ARMC8: variants seen among roughly 807,000 people sequenced by gnomAD.
ARMC8 encodes armadillo repeat-containing protein 8.
ARMC8 carries 20 observed loss-of-function variants against 99.3 expected under a neutral mutation model. The ratio of observed to expected loss-of-function variants is 0.20; its 90% CI spans 0.14 to 0.29. The LOEUF (loss-of-function observed/expected upper bound fraction) is 0.29, where lower values mean the gene tolerates loss of function less well. ARMC8 is among the 10% of genes least tolerant of loss of function. The probability of loss-of-function intolerance (pLI) is 1.00; values close to 1 mark genes in which losing one functional copy is unlikely to be tolerated. For missense variants in ARMC8, 569 were observed against 809.5 expected, an observed-to-expected ratio of 0.70 and a Z score of 3.60; for synonymous variants, 263 against 278.3, an observed-to-expected ratio of 0.95 and a Z score of 0.55.
rs763151430 is a variant in ARMC8, at chr3:138,221,956, C to G, written c.153C>G (p.Asn51Lys). The part of the protein sequence containing the change: ...IDMKNAVIGN[N>K]KQKANLIVLG... ...TGAAAAATGCTGTAATTGGAAACAA[C>G]AAGCAGAAAGCCAATCTCATTGTTT... The change falls in exon 3 of 22, where the codon AAC becomes AAG. Residue 51 changes from asparagine (N) to lysine (K), a missense_variant. This residue lies in a region of ARMC8 where 342 missense variants were observed against 391.6 expected (regional missense o/e 0.87). Coordinates refer to ENST00000469044, the MANE Select transcript of ARMC8 (RefSeq NM_001363941.2). 6.2e-6 allele frequency: 10 copies of G among 1,613,564 alleles called. No individual in the cohort carries two copies. Among genetic ancestry groups the G allele is most frequent in the Non-Finnish European group, 8.5e-6 (10 of 1,179,698 alleles).
intron 12 of ARMC8, among the ~76,000 whole-genome samples, chr3:138,255,977 G>A (rs2047381253): frequency 6.6e-6 from 1 of 152,036 alleles, no homozygotes; most frequent in Admixed American, 6.6e-5. Flanking sequence ...AAAAAAGAAA[G>A]GAAAAGAAGA....
chr3:138,272,493 C>T (rs1274145920), intron 16 of ARMC8, among the ~76,000 whole-genome samples: 7 of 152,136 alleles, frequency 4.6e-5, no homozygotes, highest in African/African-American at 7.2e-5. Context: ...TTTCTCTTGA[C>T]GGACAGAAAT....
intron 1 of ARMC8, among the ~76,000 whole-genome samples, chr3:138,193,722 A>G (rs2043527942): frequency 6.6e-6 from 1 of 152,282 alleles, no homozygotes; most frequent in Admixed American, 6.5e-5. Flanking sequence ...AAAATGGATC[A>G]TAGATTTTAT....
chr3:138,243,682 A>G (rs898425358), intron 11 of ARMC8, among the ~76,000 whole-genome samples: 1 of 152,088 alleles, frequency 6.6e-6, no homozygotes, highest in Non-Finnish European at 1.5e-5. Flanking sequence ...TTTCTGTGGA[A>G]TTTTTTGTTA....
At chr3:138,189,313 G>T (rs564713406) in intron 1 of ARMC8, among the ~76,000 whole-genome samples, 2 of 150,426 alleles carry the variant, frequency 1.3e-5, no homozygotes, top group Non-Finnish European at 3.0e-5. Context: ...AAGGATTTCC[G>T]TAGTCCCAAA....
intron 2 of ARMC8, among the ~76,000 whole-genome samples, chr3:138,216,227 T>G (rs528472689): frequency 6.6e-6 from 1 of 152,168 alleles, no homozygotes; most frequent in South Asian, 2.1e-4. Flanking sequence ...CATCACAGAG[T>G]AATTTGTTTA....
At chr3:138,239,277 A>T in intron 9 of ARMC8, 191 bp from the exon 10 acceptor site, 1 of 513,542 alleles carries the variant, frequency 1.9e-6, no homozygotes, top group South Asian at 2.7e-5. Flanking sequence ...TACCATCTGT[A>T]TTTGTCAGTT....
At chr3:138,256,548 C>G (rs1287510106) in intron 12 of ARMC8, among the ~76,000 whole-genome samples, 1 of 151,672 alleles carries the variant, frequency 6.6e-6, no homozygotes, top group African/African-American at 2.4e-5. Flanking sequence ...GTAGCTGAGA[C>G]TATAGGCGCC....
intron 2 of ARMC8, among the ~76,000 whole-genome samples, chr3:138,221,033 T>C (rs991077308): frequency 6.6e-5 from 10 of 152,088 alleles, no homozygotes; most frequent in South Asian, 4.1e-4. Flanking sequence ...CTGGGTTTAT[T>C]TTGAGCTATT....
intron 6 of ARMC8, 156 bp downstream of exon 6, chr3:138,229,166 A>ATATATATATATATATATG (rs61333593): frequency 1.3e-5 from 1 of 76,546 alleles, no homozygotes; most frequent in Non-Finnish European, 2.4e-5. Context: ...ATATATATAT[A>ATATATATATATATATATG]TATATATATA....
At chr3:138,231,961 CTTTTTTT>C (rs61298993) in intron 6 of ARMC8, among the ~76,000 whole-genome samples, 22 of 58,628 alleles carry the variant, frequency 3.8e-4, no homozygotes, top group East Asian at 6.5e-4. Context: ...CTTGCAATTG[CTTTTTTT>C]TTTTTTTTTT....
intron 14 of ARMC8, among the ~76,000 whole-genome samples, chr3:138,265,088 G>C (rs1461263621): frequency 6.6e-6 from 1 of 151,832 alleles, no homozygotes; most frequent in Non-Finnish European, 1.5e-5. Context: ...TTTGAGACAA[G>C]GTCTCGCCAA....
chr3:138,273,388 A>C (rs2048965516), intron 17 of ARMC8, among the ~76,000 whole-genome samples: 1 of 152,072 alleles, frequency 6.6e-6, no homozygotes, highest in African/African-American at 2.4e-5. Flanking sequence ...ACCAGTGCCT[A>C]CCTTGATTTG....
chr3:138,223,338 G>C, intron 3 of ARMC8, 51 bp from the exon 4 acceptor site: 1 of 1,586,012 alleles, frequency 6.3e-7, no homozygotes, highest in Non-Finnish European at 8.6e-7. Flanking sequence ...GTCACATTGA[G>C]TCTTGTTTAA....
At chr3:138,215,511 C>T (rs1388976389) in intron 2 of ARMC8, among the ~76,000 whole-genome samples, 4 of 152,052 alleles carry the variant, frequency 2.6e-5, no homozygotes, top group African/African-American at 7.2e-5. Context: ...CCACCGTGTC[C>T]GGCTAAATTA....
chr3:138,233,553 AAGAG>A (rs201757507), intron 6 of ARMC8, among the ~76,000 whole-genome samples: 14 of 152,186 alleles, frequency 9.2e-5, no homozygotes, highest in South Asian at 6.2e-4. Context: ...TATATGGAAA[AAGAG>A]AGAAATTGCT....
chr3:138,272,932 A>G, intron 16 of ARMC8, 35 bp from the exon 17 acceptor site: 3 of 1,451,994 alleles, frequency 2.1e-6, no homozygotes, highest in Non-Finnish European at 9.1e-7. Context: ...AAGTAAATGT[A>G]GACATGATTC....
intron 12 of ARMC8, chr3:138,262,295 TG>T: frequency 4.4e-6 from 2 of 455,614 alleles, no homozygotes; most frequent in Non-Finnish European, 3.9e-6. Context: ...TCAGTAAGAA[TG>T]GAATTAGGTT....
At chr3:138,201,068 A>G (rs1424571352) in intron 1 of ARMC8, among the ~76,000 whole-genome samples, 2 of 151,720 alleles carry the variant, frequency 1.3e-5, no homozygotes, top group Non-Finnish European at 2.9e-5. Flanking sequence ...GCATGCCACC[A>G]TGCCCGACTA....
Sources: gnomAD v4.1 joint callset for allele counts (sites outside exome capture counted in the v4.1 genomes callset) on GRCh38, gnomAD v4.1.1 for gene constraint, gnomAD v4.1.1 regional missense constraint, MANE v1.5 for transcripts, NCBI Gene and HGNC (gene_info 2026-07-23, HGNC 2026-07-21) for gene names.